Variants in SYT16 observed in about 807,000 individuals in gnomAD.
SYT16 encodes the protein synaptotagmin-16.
Under a neutral mutation model 61.4 loss-of-function variants are expected in SYT16, and 42 were observed. The ratio of observed to expected loss-of-function variants is 0.68; its 90% confidence interval spans 0.53 to 0.89. The LOEUF (loss-of-function observed/expected upper bound fraction) is 0.89, where lower values mean the gene tolerates loss of function less well. SYT16 is among the 40% of genes least tolerant of loss of function. The pLI is 0.00. For missense variants in SYT16, 804 were observed against 807.3 expected (o/e 1.00, Z 0.05); for synonymous variants, 314 against 302.3 (o/e 1.04, Z -0.40).
At chr14:62,064,354 A>AG (rs1555379087) in intron 3 of SYT16, among the ~76,000 whole-genome samples, 1 of 150,562 alleles carries the variant, frequency 6.6e-6, no homozygotes, top group African/African-American at 2.4e-5. Flanking sequence ...AAAAAAAAAA[A>AG]AAAAGAAAAC....
intron 3 of SYT16, among the ~76,000 whole-genome samples, chr14:62,016,465 G>A (rs533885587): frequency 7.3e-5 from 11 of 150,744 alleles, no homozygotes; most frequent in East Asian, 1.9e-4. Context: ...AGGCCAAGGC[G>A]GGCAGATCAC....
chr14:61,851,913 C>T (rs549035267), intron 1 of SYT16, among the ~76,000 whole-genome samples: 2 of 152,278 alleles, frequency 1.3e-5, no homozygotes, highest in Admixed American at 6.5e-5. Flanking sequence ...TTAATTAGAT[C>T]CCATTTGTCA....
At chr14:62,075,472 A>G (rs1566824130) in intron 5 of SYT16, 81 bp downstream of exon 5, 1 of 1,389,262 alleles carries the variant, frequency 7.2e-7, no homozygotes, top group Non-Finnish European at 9.5e-7. Flanking sequence ...TCTCTCTAAA[A>G]AAAAAAAAAA....
At chr14:61,901,256 C>T (rs2048504027) in intron 1 of SYT16, among the ~76,000 whole-genome samples, 1 of 152,208 alleles carries the variant, frequency 6.6e-6, no homozygotes, top group African/African-American at 2.4e-5. Flanking sequence ...CCTTATCTTC[C>T]TGGCCCAAGA....
In SYT16 at chr14:61,948,735, A is replaced by G. The variant is rs148678019; in HGVS notation, c.-324-21397A>G. Among the ~76,000 whole-genome samples the G allele has an allele frequency of 1.4e-3, 206 of 152,314 alleles. 1 individual carries two copies. Among genetic ancestry groups the G allele is most frequent in the African/African-American group, 4.6e-3 (191 of 41,566 alleles). The stretch of plus-strand genomic sequence containing the variant: ...AAATATGTGAAGGAATCCTTGTTAA[A>G]GTGGGAACAGTACCAAGCTCAGAAT... On this transcript the variant is annotated intron_variant, in intron 1 of 7. Transcript: ENST00000683842.
intron 7 of SYT16, among the ~76,000 whole-genome samples, chr14:62,094,602 T>C (rs1488867450): frequency 6.6e-6 from 1 of 152,070 alleles, no homozygotes; most frequent in East Asian, 1.9e-4. Flanking sequence ...CAATCCCCAA[T>C]CTTATTTTAT....
In SYT16 at chr14:61,886,656, C is replaced by A. The variant is rs926569424; in HGVS notation, c.-325+73846C>A. On this transcript the variant is annotated intron_variant, in intron 1 of 7. Transcript: ENST00000683842. Reference sequence around the variant, plus strand: ...TCCAGTTCTCGTGCTATTTCCACTGCAGTTACATCCCTACTGAAGTCTTGA... The same window carrying A: ...TCCAGTTCTCGTGCTATTTCCACTGAAGTTACATCCCTACTGAAGTCTTGA... Among the ~76,000 whole-genome samples the A allele has an allele frequency of 2.0e-5, 3 of 152,184 alleles. No homozygotes were observed. In the East Asian group the frequency reaches 5.8e-4, roughly 29 times the overall value.
At chr14:61,998,966 T>C (rs2052880305) in intron 3 of SYT16, among the ~76,000 whole-genome samples, 1 of 151,952 alleles carries the variant, frequency 6.6e-6, no homozygotes, top group Non-Finnish European at 1.5e-5. Context: ...GTTTTGAAAG[T>C]TGAGCCAATT....
chr14:62,000,098 G>GGTTTTTTT (rs1566751979), intron 3 of SYT16, among the ~76,000 whole-genome samples: 3 of 35,520 alleles, frequency 8.4e-5, no homozygotes, highest in African/African-American at 3.7e-4. Flanking sequence ...TTTGTCTCTC[G>GGTTTTTTT]ATTTTTTTTT....
intron 1 of SYT16, among the ~76,000 whole-genome samples, chr14:61,946,173 C>T (rs898555826): frequency 1.3e-5 from 2 of 152,018 alleles, no homozygotes; most frequent in East Asian, 1.9e-4. Context: ...CAAACCTACA[C>T]GTTCTGCACA....
intron 2 of SYT16, among the ~76,000 whole-genome samples, chr14:61,979,919 G>A (rs116426969): frequency 2.0e-5 from 3 of 152,106 alleles, no homozygotes; most frequent in Non-Finnish European, 2.9e-5. Context: ...AGTTTTTGAC[G>A]GTCTATAGAA....
chr14:61,876,596 C>A (rs1302028290), intron 1 of SYT16, among the ~76,000 whole-genome samples: 2 of 152,150 alleles, frequency 1.3e-5, no homozygotes, highest in Non-Finnish European at 2.9e-5. Context: ...CAAATGACTC[C>A]ATTTGTTTGA....
chr14:62,006,065 G>A (rs1357537742), intron 3 of SYT16, among the ~76,000 whole-genome samples: 1 of 152,010 alleles, frequency 6.6e-6, no homozygotes, highest in African/African-American at 2.4e-5. Flanking sequence ...ATGCCTTTTA[G>A]CCATTGAACA....
intron 1 of SYT16, among the ~76,000 whole-genome samples, chr14:61,948,916 T>G (rs1352662163): frequency 6.6e-6 from 1 of 152,160 alleles, no homozygotes; most frequent in Non-Finnish European, 1.5e-5. Flanking sequence ...CAATGTGGGT[T>G]CTAGCTCTTC....
intron 7 of SYT16, among the ~76,000 whole-genome samples, chr14:62,086,171 CTTA>C (rs1381561298): frequency 2.0e-5 from 3 of 152,162 alleles, no homozygotes; most frequent in African/African-American, 7.2e-5. Context: ...GGCTCTGCCA[CTTA>C]TTATAATAGT....
At chr14:61,895,065 C>A (rs1471155509) in intron 1 of SYT16, among the ~76,000 whole-genome samples, 1 of 152,094 alleles carries the variant, frequency 6.6e-6, no homozygotes, top group Non-Finnish European at 1.5e-5. Flanking sequence ...ACGGCAGAAA[C>A]AACGGGGGCT....
chr14:61,886,216 G>A (rs995225448), intron 1 of SYT16, among the ~76,000 whole-genome samples: 5 of 151,956 alleles, frequency 3.3e-5, no homozygotes, highest in Non-Finnish European at 5.9e-5. Flanking sequence ...CGCCTGCCTC[G>A]GCCTTTCAAA....
intron 1 of SYT16, among the ~76,000 whole-genome samples, chr14:61,968,256 G>A (rs979803537): frequency 3.3e-5 from 5 of 152,030 alleles, no homozygotes; most frequent in East Asian, 1.9e-4. Flanking sequence ...GTAAGACTCT[G>A]TCTCAGAAAA....
At chr14:61,994,084 G>C (rs995965918) in intron 2 of SYT16, among the ~76,000 whole-genome samples, 3 of 152,176 alleles carry the variant, frequency 2.0e-5, no homozygotes, top group African/African-American at 7.2e-5. Context: ...GAGGGAACTA[G>C]GGTGTGGGGA....
Sources: gnomAD v4.1 joint callset for allele counts (sites outside exome capture counted in the v4.1 genomes callset) on GRCh38, gnomAD v4.1.1 for gene constraint, MANE v1.5 for transcripts, NCBI Gene and HGNC (gene_info 2026-07-23, HGNC 2026-07-21) for gene names.